SLC35E4: variants seen among roughly 807,000 people sequenced by gnomAD.
SLC35E4 encodes the protein solute carrier family 35, member E4.
In SLC35E4, 15 loss-of-function variants were observed where a neutral mutation model predicts 19.3. The observed-to-expected ratio is 0.78, with a 90% confidence interval of 0.52 to 1.20. The LOEUF is 1.20. Ranked by LOEUF, SLC35E4 falls within the 50% of genes most tolerant of loss-of-function variation. The probability of loss-of-function intolerance (pLI) is 0.00; values close to 1 mark genes in which losing one functional copy is unlikely to be tolerated. For missense variants in SLC35E4, 406 were observed against 472.3 expected, an observed-to-expected ratio of 0.86 and a Z score of 1.30; for synonymous variants, 219 against 219.9, an observed-to-expected ratio of 1.00 and a Z score of 0.04.
intron 1 of SLC35E4, 50 bp downstream of exon 1, chr22:30,637,119 T>C: frequency 1.3e-6 from 2 of 1,522,266 alleles, no homozygotes; most frequent in Non-Finnish European, 1.8e-6. Context: ...GGTGGGTGCA[T>C]GGCCTGGATG....
At position 30,636,846 on chromosome 22, in the gene SLC35E4, C is replaced by T. The variant is rs760963822; in HGVS notation, c.396C>T (p.Pro132=). 2.5e-6 allele frequency: 4 copies of T among 1,613,076 alleles called. No homozygotes were observed. The highest frequency in any genetic ancestry group is 1.3e-5 in the African/African-American group (1 of 75,050). ...GCAACGTGGGCCTAAGGGCTGTGCCCCTGGACCTGGCACAACTGGTTACTA... is the reference window on the plus strand; with the variant it reads ...GCAACGTGGGCCTAAGGGCTGTGCCTCTGGACCTGGCACAACTGGTTACTA... ...ACGNVGLRAV[P]LDLAQLVTTT... The change falls in exon 1 of 2, where the codon CCC becomes CCT. Residue 132 remains proline, a synonymous_variant. Transcript: ENST00000343605.
intron 2 of SLC35E4, among the ~76,000 whole-genome samples, chr22:30,658,963 C>T (rs1486577676): frequency 2.0e-5 from 3 of 151,708 alleles, no homozygotes; most frequent in East Asian, 1.9e-4. Flanking sequence ...GCTAACATGG[C>T]GAAACCGCAT....
chr22:30,651,360 G>A (rs542081095), downstream of SLC35E4, among the ~76,000 whole-genome samples: 5 of 125,692 alleles, frequency 4.0e-5, no homozygotes, highest in African/African-American at 1.3e-4. Flanking sequence ...GCCACCACAC[G>A]TGGCTAATTT....
intron 2 of SLC35E4, chr22:30,654,441 G>C: frequency 2.3e-6 from 1 of 442,956 alleles, no homozygotes; most frequent in Admixed American, 2.4e-5. Flanking sequence ...GCACAACCTG[G>C]AGGGCAGCAG....
At chr22:30,656,060 C>G (rs2088333043) in intron 2 of SLC35E4, among the ~76,000 whole-genome samples, 3 of 151,954 alleles carry the variant, frequency 2.0e-5, no homozygotes, top group Admixed American at 1.3e-4. Flanking sequence ...GCAGCCTCAA[C>G]CTCCTTGGGC....
At chr22:30,668,917 C>T (rs918491380) in exon 3 of SLC35E4, 3 of 152,170 alleles carry the variant, frequency 2.0e-5, no homozygotes, top group Non-Finnish European at 2.9e-5. Context: ...GCCTCCTCCC[C>T]TTCTAGTATT....
rs1420777977 is a variant in SLC35E4, at chr22:30,647,215, T to C, written c.*184T>C. 1.5e-6 allele frequency: 1 copy of C among 689,470 alleles called. No homozygotes were observed. Among genetic ancestry groups the C allele is most frequent in the African/African-American group, 1.8e-5 (1 of 55,398 alleles). The allele number at this position is 689,470 out of a possible 1,614,324, so 42.7% of individuals were successfully genotyped here. ...GAGTTCGAGACCAGCCTGGCTAACATGGCAAAACCTCATCTCTACTAAAAA... is the reference window on the plus strand; with the variant it reads ...GAGTTCGAGACCAGCCTGGCTAACACGGCAAAACCTCATCTCTACTAAAAA... On this transcript the variant is annotated 3_prime_UTR_variant, in exon 2 of 2. Coordinates refer to ENST00000343605, the MANE Select transcript of SLC35E4 (RefSeq NM_001001479.4).
At chr22:30,655,296 A>G (rs2088312883) in intron 2 of SLC35E4, among the ~76,000 whole-genome samples, 1 of 143,992 alleles carries the variant, frequency 6.9e-6, no homozygotes, top group Non-Finnish European at 1.5e-5. Flanking sequence ...TCTCTACGGA[A>G]AAAAAAAAAA....
At chr22:30,666,610 A>T (rs1446778877), downstream of SLC35E4, among the ~76,000 whole-genome samples, 2 of 105,758 alleles carry the variant, frequency 1.9e-5, no homozygotes, top group South Asian at 7.2e-4. Flanking sequence ...AGACAGCGTG[A>T]GACTCCATCT....
At chr22:30,666,295 G>A (rs145246942), downstream of SLC35E4, among the ~76,000 whole-genome samples, 29 of 152,292 alleles carry the variant, frequency 1.9e-4, no homozygotes, top group African/African-American at 4.8e-4. Flanking sequence ...TGAGGGTAGT[G>A]ATGCGAGGAG....
downstream of SLC35E4, among the ~76,000 whole-genome samples, chr22:30,664,580 C>G (rs1010469075): frequency 6.6e-6 from 1 of 152,218 alleles, no homozygotes; most frequent in Non-Finnish European, 1.5e-5. Context: ...ATCATAAGGT[C>G]CTGAGCCAGT....
At chr22:30,637,216 G>A in intron 1 of SLC35E4, 147 bp downstream of exon 1, 1 of 1,247,028 alleles carries the variant, frequency 8.0e-7, no homozygotes, top group South Asian at 1.6e-5. Context: ...CTGAGGCTCA[G>A]AGAGGGCCAA....
downstream of SLC35E4, among the ~76,000 whole-genome samples, chr22:30,648,239 G>A (rs995037846): frequency 4.6e-5 from 7 of 152,154 alleles, no homozygotes; most frequent in Non-Finnish European, 2.9e-5. Context: ...TCAGGACGTG[G>A]CACCTGCAGC....
At chr22:30,638,498 T>C in intron 1 of SLC35E4, among the ~76,000 whole-genome samples, 1 of 65,844 alleles carries the variant, frequency 1.5e-5, no homozygotes, top group Non-Finnish European at 2.5e-5. Flanking sequence ...TGAGACTCCA[T>C]CTCAAAAAAA....
chr22:30,645,757 A>T (rs2088118375), intron 1 of SLC35E4, among the ~76,000 whole-genome samples: 1 of 150,704 alleles, frequency 6.6e-6, no homozygotes, highest in Non-Finnish European at 1.5e-5. Context: ...GGCTCAAGTG[A>T]TCCTCCTGCC....
chr22:30,638,316 G>A (rs1020453607), intron 1 of SLC35E4, among the ~76,000 whole-genome samples: 2 of 150,016 alleles, frequency 1.3e-5, no homozygotes, highest in Admixed American at 6.7e-5. Context: ...ACTAACCAAG[G>A]TGGTGAAACC....
At position 30,637,082 on chromosome 22, in the gene SLC35E4, G is replaced by A. The variant is rs1408661425; in HGVS notation, c.619+13G>A. 1 of 1,546,548 alleles carries A rather than the reference G, an allele frequency of 6.5e-7. No individual in the cohort carries two copies. The highest frequency in any genetic ancestry group is 8.8e-7 in the Non-Finnish European group (1 of 1,142,438). On this transcript the variant is annotated intron_variant, in intron 1 of 1. Coordinates refer to ENST00000343605, the MANE Select transcript of SLC35E4 (RefSeq NM_001001479.4). The stretch of plus-strand genomic sequence containing the variant: ...TCGGTTCAGCAAAGTAAGTGCCTGG[G>A]TGGCCAATTGAGAAGGTGGGGGTCC...
At chr22:30,637,788 A>G (rs2087974298) in intron 1 of SLC35E4, among the ~76,000 whole-genome samples, 1 of 152,238 alleles carries the variant, frequency 6.6e-6, no homozygotes, top group African/African-American at 2.4e-5. Flanking sequence ...CAGCAGAGGC[A>G]AGATCTAAAC....
intron 2 of SLC35E4, among the ~76,000 whole-genome samples, chr22:30,658,077 G>A (rs1365976809): frequency 6.6e-6 from 1 of 151,626 alleles, no homozygotes; most frequent in Non-Finnish European, 1.5e-5. Flanking sequence ...ACAGTATCTA[G>A]CCTGGGCAAC....
Sources: gnomAD v4.1 joint callset for allele counts (sites outside exome capture counted in the v4.1 genomes callset) on GRCh38, gnomAD v4.1.1 for gene constraint, MANE v1.5 for transcripts, NCBI Gene and HGNC (gene_info 2026-07-23, HGNC 2026-07-21) for gene names.